Variants in KIAA0586 observed in about 807,000 individuals in gnomAD.
KIAA0586 encodes the protein protein TALPID3.
Under a neutral mutation model 169.8 loss-of-function variants are expected in KIAA0586, and 144 were observed. The observed-to-expected ratio is 0.85, with a 90% CI of 0.74 to 0.97. The LOEUF is 0.97. Ranked by LOEUF, KIAA0586 falls within the 50% of genes least tolerant of loss-of-function variation. The pLI is 0.00. For synonymous variants in KIAA0586, 625 were observed against 612.4 expected (o/e 1.02, Z -0.30); for missense variants, 1,854 against 1,823.0 (o/e 1.02, Z -0.31).
At chr14:58,459,386 T>C (rs1402678213) in intron 12 of KIAA0586, among the ~76,000 whole-genome samples, 1 of 152,196 alleles carries the variant, frequency 6.6e-6, no homozygotes, top group Non-Finnish European at 1.5e-5. Context: ...TAACTGGCAA[T>C]GTATCTTACT....
chr14:58,517,941 G>C (rs1247409273), intron 29 of KIAA0586, among the ~76,000 whole-genome samples: 2 of 152,176 alleles, frequency 1.3e-5, no homozygotes, highest in African/African-American at 2.4e-5. Context: ...CAAAACTATA[G>C]ATATGGAGAA....
intron 6 of KIAA0586, among the ~76,000 whole-genome samples, chr14:58,447,902 T>C (rs2039037297): frequency 6.6e-6 from 1 of 152,234 alleles, no homozygotes; most frequent in South Asian, 2.1e-4. Context: ...GTACTCACTA[T>C]CAATGATTTT....
chr14:58,498,112 T>G (rs2043290027), intron 26 of KIAA0586, among the ~76,000 whole-genome samples: 1 of 151,946 alleles, frequency 6.6e-6, no homozygotes, highest in South Asian at 2.1e-4. Context: ...CTCCTGACCT[T>G]GTGATCCGCC....
chr14:58,431,882 T>C (rs1404135037), intron 3 of KIAA0586, among the ~76,000 whole-genome samples: 1 of 152,204 alleles, frequency 6.6e-6, no homozygotes, highest in Non-Finnish European at 1.5e-5. Context: ...TGAATGTTAT[T>C]AGTGTATAGA....
intron 21 of KIAA0586, among the ~76,000 whole-genome samples, chr14:58,485,376 G>T (rs181406047): frequency 2.0e-5 from 3 of 151,898 alleles, no homozygotes; most frequent in Non-Finnish European, 4.4e-5. Flanking sequence ...TGATCAGATC[G>T]GCAAAACTCT....
intron 27 of KIAA0586, among the ~76,000 whole-genome samples, chr14:58,505,060 C>T (rs901518727): frequency 6.6e-6 from 1 of 152,120 alleles, no homozygotes; most frequent in Non-Finnish European, 1.5e-5. Context: ...CACTTTTTTC[C>T]TGTCCCATGT....
Position 58,453,448 on chromosome 14 carries a change from G to A in KIAA0586, c.1228G>A (p.Gly410Arg). The A allele has an allele frequency of 6.6e-7, 1 of 1,519,352 alleles. No individual in the cohort carries two copies. The highest frequency in any genetic ancestry group is 8.8e-7 in the Non-Finnish European group (1 of 1,135,256). The allele number at this position is 1,519,352 out of a possible 1,614,324, so 94.1% of individuals were successfully genotyped here. A position where few individuals can be genotyped will look rare whatever the true frequency, so the allele number is the denominator to read the frequency against. ...NTTSLTRSKIGWTPEKTNRFP... is the reference protein window; with the variant it reads ...NTTSLTRSKIRWTPEKTNRFP... ...CACCTCACTAACTAGGTCAAAAATA[G>A]GATGGACTCCTGAGAAAACAAACAG... Residue 410 changes from glycine (G) to arginine (R), a missense_variant, in exon 9 of 31, where the codon GGA becomes AGA. Transcript: ENST00000652326.
In KIAA0586 at chr14:58,548,786, A is replaced by G. The variant is rs2047129036; in HGVS notation, c.*854A>G. The G allele has an allele frequency of 1.3e-5, 2 of 152,210 alleles. No homozygotes were observed. Among genetic ancestry groups the G allele is most frequent in the Admixed American group, 6.5e-5 (1 of 15,278 alleles). The allele number at this position is 152,210 out of a possible 1,614,324, so 9.4% of individuals were successfully genotyped here. ...CTCTATTACCTTTTGCAACATAAAT[A>G]CATAAAATTAAAGGAAAATAAAAAG... On this transcript the variant is annotated 3_prime_UTR_variant, in exon 31 of 31. Coordinates refer to ENST00000652326, the MANE Select transcript of KIAA0586 (RefSeq NM_001329943.3).
chr14:58,460,106 G>A, intron 13 of KIAA0586, 36 bp downstream of exon 13: 2 of 1,188,498 alleles, frequency 1.7e-6, no homozygotes, highest in Non-Finnish European at 2.3e-6. Flanking sequence ...CATAATTGTT[G>A]TGTTATAATT....
intron 4 of KIAA0586, among the ~76,000 whole-genome samples, chr14:58,438,919 T>C (rs2038056177): frequency 1.3e-5 from 2 of 152,190 alleles, no homozygotes; most frequent in South Asian, 4.1e-4. Flanking sequence ...TTCAGTTGTT[T>C]ATAAGGAATA....
chr14:58,465,845 A>G lies in KIAA0586; in HGVS notation c.2070A>G (p.Val690=). The change falls in exon 15 of 31, where the codon GTA becomes GTG. Residue 690 remains valine, a synonymous_variant. Transcript: ENST00000652326. ...TGGTGATTATTATAGGCACTAAGGT[A>G]AAGTCAATAAGAACACAGACTGACT... ...KVIERVKGTK[V]KSIRTQTDFY... 2 of 1,597,880 alleles carry G rather than the reference A, an allele frequency of 1.3e-6. No homozygotes were observed. The highest frequency in any genetic ancestry group is 1.7e-6 in the Non-Finnish European group (2 of 1,170,052).
chr14:58,457,671 G>A (rs1239966756), intron 10 of KIAA0586, 88 bp from the exon 11 acceptor site: 3 of 770,382 alleles, frequency 3.9e-6, no homozygotes, highest in South Asian at 3.8e-5. Flanking sequence ...TTGGTATAAT[G>A]TATGGCCTCA....
chr14:58,448,306 T>C (rs1348986197), intron 6 of KIAA0586, 34 bp from the exon 7 acceptor site: 6 of 1,330,416 alleles, frequency 4.5e-6, no homozygotes, highest in Non-Finnish European at 5.2e-6. Flanking sequence ...TCAAATGATA[T>C]TTGAAAATAA....
chr14:58,446,133 G>C (rs1336599614), intron 6 of KIAA0586, among the ~76,000 whole-genome samples: 1 of 151,966 alleles, frequency 6.6e-6, no homozygotes, highest in Non-Finnish European at 1.5e-5. Context: ...GCCTCCCAAA[G>C]TGTTGGGATT....
In KIAA0586 at chr14:58,470,699, T is replaced by A; in HGVS notation, c.2529T>A (p.Leu843=). 6.3e-7 allele frequency: 1 copy of A among 1,586,126 alleles called. No homozygotes were observed. Among genetic ancestry groups the A allele is most frequent in the Non-Finnish European group, 8.7e-7 (1 of 1,154,958 alleles). Residue 843 remains leucine, a synonymous_variant, in exon 17 of 31, where the codon CTT becomes CTA. Transcript: ENST00000652326. The part of the protein sequence containing the change: ...SPLSSPKEAS[L]PPVQTWIKTP... Reference sequence around the variant, plus strand: ...TGTCTAGCCCCAAAGAAGCATCTCTTCCTCCTGTGCAAACTTGGATAAAGG... The same window carrying A: ...TGTCTAGCCCCAAAGAAGCATCTCTACCTCCTGTGCAAACTTGGATAAAGG...
chr14:58,558,334 T>C, the KIAA0586 span, among the ~76,000 whole-genome samples: 1 of 152,130 alleles, frequency 6.6e-6, no homozygotes, highest in Non-Finnish European at 1.5e-5. Flanking sequence ...CATTTCAAAT[T>C]TTGTAGATCT....
chr14:58,530,912 G>A (rs2045916223), intron 29 of KIAA0586, among the ~76,000 whole-genome samples: 1 of 152,120 alleles, frequency 6.6e-6, no homozygotes, highest in Non-Finnish European at 1.5e-5. Flanking sequence ...GCAACCTACA[G>A]AATGGGAGAA....
chr14:58,511,942 G>A (rs944810472), intron 28 of KIAA0586, among the ~76,000 whole-genome samples: 7 of 152,136 alleles, frequency 4.6e-5, no homozygotes, highest in Admixed American at 1.3e-4. Context: ...GTGTGATTAC[G>A]AAGAGATTTA....
rs1173893296 is a variant in KIAA0586, at chr14:58,428,434, C to G, written c.170C>G (p.Thr57Arg). ...GCAAATAAACGTCTTCCTGTTGGAA[C>G]GGGGACTAGTTTGAATGGAACATCA... ...LSANKRLPVG[T>R]GTSLNGTSRG... The change falls in exon 1 of 31, where the codon ACG becomes AGG. Residue 57 changes from threonine to arginine, a missense_variant. Thr to Arg is a moderately conservative substitution (Grantham distance 71). Transcript: ENST00000652326. 2 of 1,613,588 alleles carry G rather than the reference C, an allele frequency of 1.2e-6. No homozygotes were observed. The highest frequency in any genetic ancestry group is 8.5e-7 in the Non-Finnish European group (1 of 1,179,664).
Sources: gnomAD v4.1 joint callset for allele counts (sites outside exome capture counted in the v4.1 genomes callset) on GRCh38, gnomAD v4.1.1 for gene constraint, MANE v1.5 for transcripts, NCBI Gene and HGNC (gene_info 2026-07-23, HGNC 2026-07-21) for gene names.